ARHGEF4: variants seen among roughly 807,000 people sequenced by gnomAD.
ARHGEF4 encodes the protein Rho guanine nucleotide exchange factor 4.
ARHGEF4 carries 119 observed loss-of-function variants against 162.0 expected under a neutral mutation model. That is an observed-to-expected ratio of 0.73 (90% CI 0.63 to 0.86). The LOEUF is 0.86. Ranked by LOEUF, ARHGEF4 falls within the 40% of genes least tolerant of loss-of-function variation. The pLI is 0.00. For missense variants in ARHGEF4, 2,488 were observed against 2,456.0 expected (o/e 1.01, Z -0.28); for synonymous variants, 1,014 against 979.9 (o/e 1.03, Z -0.65).
intron 1 of ARHGEF4, chr2:130,837,645 G>A (rs1260336217): frequency 8.9e-6 from 4 of 449,070 alleles, no homozygotes; most frequent in Admixed American, 4.8e-5. Context: ...TGGGCCGGGG[G>A]CTCCGGGGCA....
chr2:131,039,594 GCC>G (rs1427386413), intron 6 of ARHGEF4: 3 of 1,042,856 alleles, frequency 2.9e-6, no homozygotes, highest in Non-Finnish European at 2.3e-6. Context: ...TGCTCCTCCT[GCC>G]CCAGATCCCC....
At chr2:130,840,146 G>C (rs1680504831) in intron 1 of ARHGEF4, among the ~76,000 whole-genome samples, 1 of 151,468 alleles carries the variant, frequency 6.6e-6, no homozygotes. Flanking sequence ...TATACATATG[G>C]GCACACACAC....
Position 130,860,603 on chromosome 2 carries a change from G to A in ARHGEF4, c.39+23611G>A, listed in dbSNP as rs1382928653. ...CGGGCGCCTGTAGTCCCAGCTACTC[G>A]GGAGGCCGAGGCAGAAGAATGGTGT... On this transcript the variant is annotated intron_variant, in intron 1 of 13. Coordinates refer to ENST00000409359, the MANE Select transcript of ARHGEF4 (RefSeq NM_001367493.1). 3.4e-5 allele frequency among the ~76,000 whole-genome samples: 4 copies of A among 117,108 alleles called. 1 individual carries two copies. The highest frequency in any genetic ancestry group is 1.8e-4 in the Admixed American group (2 of 10,958). 76.8% of individuals were successfully genotyped at this position (117,108 alleles called of 152,430 possible). A position where few individuals can be genotyped will look rare whatever the true frequency, so the allele number is the denominator to read the frequency against.
At chr2:130,908,196 T>G (rs1680952854) in intron 1 of ARHGEF4, among the ~76,000 whole-genome samples, 1 of 151,848 alleles carries the variant, frequency 6.6e-6, no homozygotes, top group South Asian at 2.1e-4. Flanking sequence ...TCCTAGATAT[T>G]ATATTCTTTT....
chr2:130,980,731 C>T (rs1686065722), intron 4 of ARHGEF4, among the ~76,000 whole-genome samples: 2 of 152,130 alleles, frequency 1.3e-5, no homozygotes, highest in South Asian at 2.1e-4. Flanking sequence ...ACATGAAGGC[C>T]CATCAGTGAT....
At chr2:131,021,005 T>TC (rs1424319917) in intron 4 of ARHGEF4, among the ~76,000 whole-genome samples, 1 of 152,244 alleles carries the variant, frequency 6.6e-6, no homozygotes, top group Non-Finnish European at 1.5e-5. Flanking sequence ...AAGTGTCTGT[T>TC]CATATCCTCT....
At chr2:131,013,196 G>T (rs900685885) in intron 4 of ARHGEF4, among the ~76,000 whole-genome samples, 2 of 152,136 alleles carry the variant, frequency 1.3e-5, no homozygotes, top group African/African-American at 4.8e-5. Context: ...TTCAACCTAA[G>T]GTGCCCAGCT....
At chr2:131,035,087 G>C in intron 5 of ARHGEF4, 4 of 1,048,170 alleles carry the variant, frequency 3.8e-6, no homozygotes, top group Non-Finnish European at 4.6e-6. Context: ...GGGAGGCCGG[G>C]CGCCATGGCG....
At chr2:130,837,261 G>A (rs1018704006) in intron 1 of ARHGEF4, among the ~76,000 whole-genome samples, 37 of 152,238 alleles carry the variant, frequency 2.4e-4, no homozygotes, top group African/African-American at 8.2e-4. Flanking sequence ...CCCTGAGAGG[G>A]CAAGGGCGAG....
intron 4 of ARHGEF4, among the ~76,000 whole-genome samples, chr2:130,950,696 A>G (rs1348721832): frequency 9.2e-6 from 1 of 108,770 alleles, no homozygotes; most frequent in Non-Finnish European, 2.0e-5. Flanking sequence ...ACCCCCCACC[A>G]CCACCCGAAG....
intron 1 of ARHGEF4, among the ~76,000 whole-genome samples, chr2:130,897,390 G>C (rs984459038): frequency 1.3e-5 from 2 of 152,176 alleles, no homozygotes; most frequent in Non-Finnish European, 2.9e-5. Flanking sequence ...GTGCTTCCGC[G>C]GAGCTGAGAG....
At chr2:130,837,192 G>T (rs749660345) in intron 1 of ARHGEF4, among the ~76,000 whole-genome samples, 200 bp downstream of exon 1, 13 of 152,088 alleles carry the variant, frequency 8.5e-5, no homozygotes, top group Non-Finnish European at 1.2e-4. Context: ...GGGCCGTCTC[G>T]AGCGCGGGGA....
At chr2:130,967,171 C>G (rs1685061303) in intron 4 of ARHGEF4, among the ~76,000 whole-genome samples, 1 of 152,216 alleles carries the variant, frequency 6.6e-6, no homozygotes, top group African/African-American at 2.4e-5. Context: ...TCTAGACTCG[C>G]CTTGCTTTCA....
chr2:130,917,374 C>T lies in ARHGEF4; in HGVS notation c.3428C>T (p.Thr1143Ile). 1 of 1,550,596 alleles carries T rather than the reference C, an allele frequency of 6.4e-7. No individual in the cohort carries two copies. The highest frequency in any genetic ancestry group is 1.2e-5 in the South Asian group (1 of 84,060). ...PERPKIPKGQ[T>I]SFLLSLQTLN... ...AGACCCAAGATTCCCAAGGGCCAGA[C>T]CAGTTTCCTGCTTTCTCTGCAGACG... The change falls in exon 2 of 14, where the codon ACC becomes ATC. Residue 1143 changes from threonine (T) to isoleucine (I), a missense_variant. Thr to Ile is a moderately conservative substitution (Grantham distance 89). Around this residue, in one of 6 missense-constraint regions of ARHGEF4, gnomAD observed 1,642 missense variants for 1,481.5 expected, o/e 1.11. Transcript: ENST00000409359.
At chr2:131,036,312 G>A (rs796787983) in intron 5 of ARHGEF4, among the ~76,000 whole-genome samples, 16 of 152,380 alleles carry the variant, frequency 1.1e-4, no homozygotes, top group African/African-American at 3.8e-4. Context: ...CTAAATTAGA[G>A]TACCTCCCGA....
At chr2:130,870,610 G>C (rs1678408972) in intron 1 of ARHGEF4, among the ~76,000 whole-genome samples, 1 of 152,184 alleles carries the variant, frequency 6.6e-6, no homozygotes, top group African/African-American at 2.4e-5. Context: ...AACTGCCCCA[G>C]TTACCAACAG....
intron 1 of ARHGEF4, among the ~76,000 whole-genome samples, chr2:130,845,930 C>T (rs971734254): frequency 3.3e-5 from 5 of 152,214 alleles, no homozygotes; most frequent in Non-Finnish European, 7.3e-5. Flanking sequence ...TGAGCGTGGG[C>T]GGAAGCCAGA....
intron 1 of ARHGEF4, among the ~76,000 whole-genome samples, chr2:130,848,383 G>T (rs879660410): frequency 3.3e-5 from 5 of 152,224 alleles, no homozygotes; most frequent in Non-Finnish European, 7.3e-5. Context: ...GGCCCGTGCT[G>T]GGTGCCAGGG....
At chr2:130,960,008 T>C (rs1471076581) in intron 4 of ARHGEF4, among the ~76,000 whole-genome samples, 1 of 152,242 alleles carries the variant, frequency 6.6e-6, no homozygotes, top group Non-Finnish European at 1.5e-5. Flanking sequence ...GCCTTTCTGA[T>C]AAAGACACTG....
Sources: allele counts gnomAD v4.1 joint callset (sites outside exome capture counted in the v4.1 genomes callset), GRCh38; gene constraint gnomAD v4.1.1; regional missense constraint gnomAD v4.1.1; transcripts MANE v1.5; gene names NCBI Gene and HGNC (gene_info 2026-07-23, HGNC 2026-07-21).